The following ARHGAP31 variants were observed in gnomAD, a reference collection of about 807,000 sequenced individuals.
ARHGAP31 encodes rho GTPase-activating protein 31.
Under a neutral mutation model 113.9 loss-of-function variants are expected in ARHGAP31, and 34 were observed. The observed-to-expected ratio is 0.30, with a 90% confidence interval of 0.23 to 0.40. The LOEUF is 0.40. Among genes scored for constraint, ARHGAP31 ranks in the 10% least tolerant of loss-of-function variants. ARHGAP31 has a pLI of 1.00. For missense variants in ARHGAP31, 1,548 were observed against 1,767.1 expected, an observed-to-expected ratio of 0.88 and a Z score of 2.22; for synonymous variants, 650 against 684.8, an observed-to-expected ratio of 0.95 and a Z score of 0.79.
In ARHGAP31 at chr3:119,399,193, C is replaced by G; in HGVS notation, c.1007-6C>G. 6.2e-7 allele frequency: 1 copy of G among 1,612,758 alleles called. No homozygotes were observed. The highest frequency in any genetic ancestry group is 8.5e-7 in the Non-Finnish European group (1 of 1,178,864). ...TCATCAAGGATATTTTTTCTTTTGTCTTTAGTGGAAAAGGCTACTATCCGA... is the reference window on the plus strand; with the variant it reads ...TCATCAAGGATATTTTTTCTTTTGTGTTTAGTGGAAAAGGCTACTATCCGA... On this transcript the variant is annotated splice_region_variant and splice_polypyrimidine_tract_variant and intron_variant, in intron 8 of 11. Coordinates refer to ENST00000264245, the MANE Select transcript of ARHGAP31 (RefSeq NM_020754.4).
At chr3:119,361,374 CTTTTTTTTTTT>C in intron 1 of ARHGAP31, among the ~76,000 whole-genome samples, 1 of 132,334 alleles carries the variant, frequency 7.6e-6, no homozygotes, top group East Asian at 2.2e-4. Flanking sequence ...TTCAACATTC[CTTTTTTTTTTT>C]TTTTTTTTAA....
At position 119,294,468 on chromosome 3, in the gene ARHGAP31, C is replaced by G; in HGVS notation, c.-437C>G. ...TGAAGGCGAGACAGCGGGCCCAGGG[C>G]GCAGGACCCACCGCAGCCCCCTGGG... is the stretch of plus-strand genomic sequence containing the variant. On this transcript the variant is annotated 5_prime_UTR_variant, in exon 1 of 12. Coordinates refer to ENST00000264245, the MANE Select transcript of ARHGAP31 (RefSeq NM_020754.4). 1 of 431,262 alleles carries G rather than the reference C, an allele frequency of 2.3e-6. No individual in the cohort carries two copies. Among genetic ancestry groups the G allele is most frequent in the South Asian group, 8.9e-5 (1 of 11,252 alleles). 26.7% of individuals were successfully genotyped at this position (431,262 alleles called of 1,614,324 possible).
Position 119,415,733 on chromosome 3 carries a change from A to G in ARHGAP31, c.3804A>G (p.Gly1268=), listed in dbSNP as rs1237057592. ...AAGAAAAACCAAAGCAAGATCCCGG[A>G]GCCATTAAGTCCTCACCAGTGGATG... The part of the protein sequence containing the change: ...SKEEKPKQDP[G]AIKSSPVDAT... Residue 1268 remains glycine, a synonymous_variant, in exon 12 of 12, where the codon GGA becomes GGG. Transcript: ENST00000264245. 6.2e-7 allele frequency: 1 copy of G among 1,614,022 alleles called. No homozygotes were observed. Among genetic ancestry groups the G allele is most frequent in the Non-Finnish European group, 8.5e-7 (1 of 1,180,024 alleles).
intron 4 of ARHGAP31, 123 bp downstream of exon 4, chr3:119,381,109 C>A: frequency 1.0e-6 from 1 of 957,592 alleles, no homozygotes; most frequent in Non-Finnish European, 1.6e-6. Context: ...TTCCCAAGGG[C>A]ATTTTGAAGT....
chr3:119,324,013 C>G (rs1230090269), intron 1 of ARHGAP31, among the ~76,000 whole-genome samples: 1 of 152,180 alleles, frequency 6.6e-6, no homozygotes, highest in Non-Finnish European at 1.5e-5. Context: ...CACAAGGACC[C>G]TTTGCTGCGG....
At chr3:119,391,623 A>G (rs1049262552) in intron 7 of ARHGAP31, among the ~76,000 whole-genome samples, 3 of 74,968 alleles carry the variant, frequency 4.0e-5, no homozygotes, top group Admixed American at 1.9e-4. Flanking sequence ...CTCATATCCC[A>G]TAGTAGAAAG....
chr3:119,337,911 C>A (rs373490808), intron 1 of ARHGAP31, among the ~76,000 whole-genome samples: 1 of 152,150 alleles, frequency 6.6e-6, no homozygotes, highest in Admixed American at 6.5e-5. Flanking sequence ...GAAGCCCAGC[C>A]GGCTTCACCT....
At chr3:119,412,157 G>A (rs373453991) in intron 11 of ARHGAP31, among the ~76,000 whole-genome samples, 1 of 152,130 alleles carries the variant, frequency 6.6e-6, no homozygotes, top group South Asian at 2.1e-4. Flanking sequence ...GGGAGGTTGA[G>A]GCGGGCGGAT....
intron 1 of ARHGAP31, among the ~76,000 whole-genome samples, chr3:119,336,656 T>TA (rs1166511331): frequency 6.6e-6 from 1 of 151,786 alleles, no homozygotes; most frequent in East Asian, 1.9e-4. Flanking sequence ...TTTATTGAGA[T>TA]ATAATTAACA....
chr3:119,371,344 C>G (rs1200613620), intron 3 of ARHGAP31, among the ~76,000 whole-genome samples: 1 of 152,174 alleles, frequency 6.6e-6, no homozygotes, highest in Non-Finnish European at 1.5e-5. Context: ...TGTGTTTTCT[C>G]ACAGCAACTG....
intron 1 of ARHGAP31, among the ~76,000 whole-genome samples, chr3:119,329,297 A>G (rs1468097389): frequency 6.6e-6 from 1 of 152,198 alleles, no homozygotes; most frequent in Non-Finnish European, 1.5e-5. Flanking sequence ...TATAGCCTGC[A>G]TCAAGTTACC....
chr3:119,347,876 A>T (rs996678206), intron 1 of ARHGAP31, among the ~76,000 whole-genome samples: 2 of 152,254 alleles, frequency 1.3e-5, no homozygotes, highest in African/African-American at 4.8e-5. Context: ...GTTAGAAATT[A>T]AAAGCAAAAG....
At chr3:119,376,067 C>G (rs115205887) in intron 3 of ARHGAP31, among the ~76,000 whole-genome samples, 1 of 151,872 alleles carries the variant, frequency 6.6e-6, no homozygotes, top group Non-Finnish European at 1.5e-5. Flanking sequence ...GTAAGCTTCC[C>G]GAGGACAGGA....
At chr3:119,384,395 C>T (rs2080430699) in intron 6 of ARHGAP31, among the ~76,000 whole-genome samples, 1 of 152,170 alleles carries the variant, frequency 6.6e-6, no homozygotes, top group Non-Finnish European at 1.5e-5. Flanking sequence ...CAAAAAGAAA[C>T]CTGTCTTAGT....
At chr3:119,302,973 A>G (rs981142473) in intron 1 of ARHGAP31, among the ~76,000 whole-genome samples, 32 of 152,266 alleles carry the variant, frequency 2.1e-4, no homozygotes, top group African/African-American at 6.7e-4. Flanking sequence ...GCCAGACCCT[A>G]TCTTTTCCTC....
Position 119,365,349 on chromosome 3 carries a change from T to C in ARHGAP31, c.134T>C (p.Ile45Thr). The change falls in exon 2 of 12, where the codon ATA becomes ACA. Residue 45 changes from isoleucine (I) to threonine (T), a missense_variant. Coordinates refer to ENST00000264245, the MANE Select transcript of ARHGAP31 (RefSeq NM_020754.4). ...PYVLKSCAEFIETHGIVDGIY... is the reference protein window; with the variant it reads ...PYVLKSCAEFTETHGIVDGIY... ...GTTTTGAAGAGCTGTGCAGAATTTATAGAGACTCACGGCATCGTGGATGGA... is the reference window on the plus strand; with the variant it reads ...GTTTTGAAGAGCTGTGCAGAATTTACAGAGACTCACGGCATCGTGGATGGA... The C allele has an allele frequency of 3.1e-6, 5 of 1,614,180 alleles. No homozygotes were observed. Among genetic ancestry groups the C allele is most frequent in the Non-Finnish European group, 4.2e-6 (5 of 1,180,026 alleles).
intron 1 of ARHGAP31, among the ~76,000 whole-genome samples, chr3:119,359,564 G>C (rs998591397): frequency 6.6e-6 from 1 of 152,038 alleles, no homozygotes; most frequent in African/African-American, 2.4e-5. Context: ...AGTTAAAACA[G>C]GGAGGAGGAA....
At chr3:119,333,624 A>C (rs1316486753) in intron 1 of ARHGAP31, among the ~76,000 whole-genome samples, 1 of 152,358 alleles carries the variant, frequency 6.6e-6, no homozygotes, top group East Asian at 1.9e-4. Context: ...GCCTCCCCAC[A>C]CTTTTCCTTC....
chr3:119,390,857 A>G lies in ARHGAP31; in HGVS notation c.755A>G (p.Glu252Gly). Reference sequence around the variant, plus strand: ...CCCATGAAGCTGGTGAGCCTTGAGGAAGCTCAAGCCCGCAGCCTGGCCACT... The same window carrying G: ...CCCATGAAGCTGGTGAGCCTTGAGGGAGCTCAAGCCCGCAGCCTGGCCACT... ...SLPMKLVSLE[E>G]AQARSLATNH... Residue 252 changes from glutamate (E) to glycine (G), a missense_variant, in exon 7 of 12, where the codon GAA becomes GGA. Glu to Gly is a moderately conservative substitution (Grantham distance 98, BLOSUM62 -2). Transcript: ENST00000264245. 6.2e-7 allele frequency: 1 copy of G among 1,613,880 alleles called. No homozygotes were observed. Among genetic ancestry groups the G allele is most frequent in the African/African-American group, 1.3e-5 (1 of 75,034 alleles).
Sources: allele counts gnomAD v4.1 joint callset (sites outside exome capture counted in the v4.1 genomes callset), GRCh38; gene constraint gnomAD v4.1.1; transcripts MANE v1.5; gene names NCBI Gene and HGNC (gene_info 2026-07-23, HGNC 2026-07-21).